CASQ2: variants seen among roughly 807,000 people sequenced by gnomAD.
CASQ2 encodes calsequestrin-2.
In CASQ2, 49 loss-of-function variants were observed where a neutral mutation model predicts 46.5. That is an observed-to-expected ratio of 1.05 (90% CI 0.84 to 1.34). The LOEUF is 1.34. Ranked by LOEUF, CASQ2 falls within the 40% of genes most tolerant of loss-of-function variation. The pLI is 0.00. For missense variants in CASQ2, 486 were observed against 481.3 expected (o/e 1.01, Z -0.09); for synonymous variants, 174 against 168.5 (o/e 1.03, Z -0.25).
At position 115,701,022 on chromosome 1, in the gene CASQ2, A is replaced by C; in HGVS notation, c.*219T>G. 1 of 674,028 alleles carries C rather than the reference A, an allele frequency of 1.5e-6. No homozygotes were observed. The highest frequency in any genetic ancestry group is 2.6e-6 in the Non-Finnish European group (1 of 379,580). The allele number at this position is 674,028 out of a possible 1,614,324, so 41.8% of individuals were successfully genotyped here. On this transcript the variant is annotated 3_prime_UTR_variant, in exon 11 of 11. Coordinates refer to ENST00000261448, the MANE Select transcript of CASQ2 (RefSeq NM_001232.4). ...TGACAGTCAAGACAGTCAACATGGG[A>C]ATAATTTTTCTCCTGTCCCTGCTAA... is the stretch of plus-strand genomic sequence containing the variant.
intron 8 of CASQ2, among the ~76,000 whole-genome samples, chr1:115,717,607 C>T (rs931885051): frequency 6.6e-6 from 1 of 152,220 alleles, no homozygotes; most frequent in Non-Finnish European, 1.5e-5. Flanking sequence ...TGCTGTGCAG[C>T]GCTGTAGGAA....
At position 115,703,309 on chromosome 1, in the gene CASQ2, C is replaced by T. The variant is rs1006939406; in HGVS notation, c.940-314G>A. On this transcript the variant is annotated intron_variant, in intron 9 of 10. Coordinates refer to ENST00000261448, the MANE Select transcript of CASQ2 (RefSeq NM_001232.4). ...AGTTTATAGAGCCATTTCCCTCCAC[C>T]TCTTTTTAATGTCCCAGTTTTAAAA... is the stretch of plus-strand genomic sequence containing the variant. Among the ~76,000 whole-genome samples the T allele has an allele frequency of 1.4e-4, 22 of 152,340 alleles. No individual in the cohort carries two copies. In the South Asian group the frequency reaches 3.7e-3, roughly 26 times the overall value.
chr1:115,755,408 TC>T (rs1648724313), intron 1 of CASQ2, among the ~76,000 whole-genome samples: 2 of 152,156 alleles, frequency 1.3e-5, no homozygotes, highest in African/African-American at 4.8e-5. Context: ...AGAGAGATCA[TC>T]CCTTTTTAAA....
At position 115,754,398 on chromosome 1, in the gene CASQ2, T is replaced by G. The variant is rs550189852; in HGVS notation, c.235-9486A>C. Reference sequence around the variant, plus strand: ...AGACCCAAGGGAAGATGCTATGTATTTTTTCCACCCCACAATTCTGAGAGG... The same window carrying G: ...AGACCCAAGGGAAGATGCTATGTATGTTTTCCACCCCACAATTCTGAGAGG... On this transcript the variant is annotated intron_variant, in intron 1 of 10. Coordinates refer to ENST00000261448, the MANE Select transcript of CASQ2 (RefSeq NM_001232.4). 2.6e-5 allele frequency among the ~76,000 whole-genome samples: 4 copies of G among 152,250 alleles called. No individual in the cohort carries two copies. The South Asian group carries it at 8.3e-4, about 32-fold the overall frequency.
At chr1:115,719,385 C>A (rs951103951) in intron 7 of CASQ2, among the ~76,000 whole-genome samples, 1 of 152,220 alleles carries the variant, frequency 6.6e-6, no homozygotes, top group African/African-American at 2.4e-5. Flanking sequence ...TCTCTGTCTC[C>A]TGCCATCAGA....
intron 8 of CASQ2, among the ~76,000 whole-genome samples, chr1:115,705,663 A>G (rs559436038): frequency 6.6e-6 from 1 of 152,168 alleles, no homozygotes. Flanking sequence ...GCTGTCCCCT[A>G]GAGTCCCCAA....
At chr1:115,749,305 C>T (rs78530020) in intron 1 of CASQ2, among the ~76,000 whole-genome samples, 92 of 152,308 alleles carry the variant, frequency 6.0e-4, no homozygotes, top group African/African-American at 2.1e-3. Flanking sequence ...GTGTGCCTCT[C>T]GTAGGCATGT....
At chr1:115,723,096 TG>T (rs1162269793) in intron 7 of CASQ2, among the ~76,000 whole-genome samples, 1 of 151,752 alleles carries the variant, frequency 6.6e-6, no homozygotes, top group Non-Finnish European at 1.5e-5. Context: ...CATAGGCAAA[TG>T]TAAGTGTGGA....
At chr1:115,703,407 G>A (rs1308046348) in intron 9 of CASQ2, among the ~76,000 whole-genome samples, 1 of 152,120 alleles carries the variant, frequency 6.6e-6, no homozygotes, top group Non-Finnish European at 1.5e-5. Flanking sequence ...TAAGAAGAAG[G>A]CTTCTTCATT....
chr1:115,766,654 A>G (rs897648574), intron 1 of CASQ2, among the ~76,000 whole-genome samples: 22 of 152,122 alleles, frequency 1.4e-4, no homozygotes, highest in African/African-American at 4.8e-4. Context: ...TTTTCTCCTA[A>G]TGATGCCTCA....
At chr1:115,729,682 A>G (rs1275926976) in intron 5 of CASQ2, among the ~76,000 whole-genome samples, 3 of 152,188 alleles carry the variant, frequency 2.0e-5, no homozygotes, top group Non-Finnish European at 2.9e-5. Flanking sequence ...GATACAAATC[A>G]TTTTTCCTCC....
intron 8 of CASQ2, among the ~76,000 whole-genome samples, chr1:115,714,952 A>G (rs1017349494): frequency 6.6e-6 from 1 of 152,168 alleles, no homozygotes; most frequent in African/African-American, 2.4e-5. Context: ...AGCTTGATTC[A>G]TTACAGCAGC....
At position 115,732,989 on chromosome 1, in the gene CASQ2, A is replaced by G. The variant is rs370268584; in HGVS notation, c.533-15T>C. The G allele has an allele frequency of 2.1e-5, 34 of 1,587,614 alleles. No individual in the cohort carries two copies. Among genetic ancestry groups the G allele is most frequent in the Admixed American group, 3.3e-5 (2 of 59,946 alleles). On this transcript the variant is annotated splice_polypyrimidine_tract_variant and intron_variant, in intron 4 of 10. Coordinates refer to ENST00000261448, the MANE Select transcript of CASQ2 (RefSeq NM_001232.4). ...AGCCTTGTAGTCTAAGGGGAAAAAT[A>G]AAGATGAAGGGAGAGACATTTTCAA...
In CASQ2 at chr1:115,761,839, C is replaced by G. The variant is rs111365582; in HGVS notation, c.234+6469G>C. On this transcript the variant is annotated intron_variant, in intron 1 of 10. Transcript: ENST00000261448. The stretch of plus-strand genomic sequence containing the variant: ...TCCGCTACAGGGCTTAATAGATAAT[C>G]TGCATGAGTCATCCTCTAAATATTA... Among the ~76,000 whole-genome samples the G allele has an allele frequency of 9.9e-5, 15 of 152,272 alleles. 2 individuals are homozygous for G. The highest frequency in any genetic ancestry group is 3.4e-4 in the African/African-American group (14 of 41,536).
chr1:115,750,988 G>T (rs185635674), intron 1 of CASQ2, among the ~76,000 whole-genome samples: 70 of 149,910 alleles, frequency 4.7e-4, no homozygotes, highest in African/African-American at 1.7e-3. Flanking sequence ...TGTCCCAGTT[G>T]TTAAGTGCAC....
intron 4 of CASQ2, among the ~76,000 whole-genome samples, chr1:115,737,758 G>T (rs1648013064): frequency 6.6e-6 from 1 of 152,134 alleles, no homozygotes; most frequent in South Asian, 2.1e-4. Context: ...GGTCAGCTGT[G>T]GGCTTGGCCA....
chr1:115,734,340 C>T lies in CASQ2; in HGVS notation c.533-1366G>A, dbSNP rs112623260. On this transcript the variant is annotated intron_variant, in intron 4 of 10. Transcript: ENST00000261448. ...TCCCCCTCTTTTCCAATCCCCATGTCCCTGATGAATTTCTCTTCCCCTCCA... is the reference window on the plus strand; with the variant it reads ...TCCCCCTCTTTTCCAATCCCCATGTTCCTGATGAATTTCTCTTCCCCTCCA... Among the ~76,000 whole-genome samples, 14 of 152,290 alleles carry T rather than the reference C, an allele frequency of 9.2e-5. 2 individuals are homozygous for T. Among genetic ancestry groups the T allele is most frequent in the African/African-American group, 3.1e-4 (13 of 41,572 alleles).
intron 4 of CASQ2, among the ~76,000 whole-genome samples, chr1:115,733,972 G>A (rs1647873937): frequency 6.6e-6 from 1 of 152,136 alleles, no homozygotes; most frequent in African/African-American, 2.4e-5. Flanking sequence ...AAAGCTCTCA[G>A]CCTAGAGAGA....
At chr1:115,731,854 C>A (rs974341849) in intron 5 of CASQ2, among the ~76,000 whole-genome samples, 11 of 152,176 alleles carry the variant, frequency 7.2e-5, no homozygotes, top group African/African-American at 2.7e-4. Context: ...CACACTCTGG[C>A]ACAAAGAGAC....
Sources: gnomAD v4.1 joint callset for allele counts (sites outside exome capture counted in the v4.1 genomes callset) on GRCh38, gnomAD v4.1.1 for gene constraint, MANE v1.5 for transcripts, NCBI Gene and HGNC (gene_info 2026-07-23, HGNC 2026-07-21) for gene names.